Variants in NRXN1 observed in about 807,000 individuals in gnomAD.
The protein encoded by NRXN1 is neurexin 1.
In NRXN1, 39 loss-of-function variants were observed where a neutral mutation model predicts 150.9. That is an observed-to-expected ratio of 0.26 (90% CI 0.20 to 0.34). The LOEUF (loss-of-function observed/expected upper bound fraction) is 0.34, where lower values mean the gene tolerates loss of function less well. Among genes scored for constraint, NRXN1 ranks in the 10% least tolerant of loss-of-function variants. The probability of loss-of-function intolerance (pLI) is 1.00; values close to 1 mark genes in which losing one functional copy is unlikely to be tolerated. For missense variants in NRXN1, 1,815 were observed against 1,949.9 expected (o/e 0.93, Z 1.30); for synonymous variants, 924 against 757.0 (o/e 1.22, Z -3.62).
At chr2:50,438,447 T>C (rs2104430004) in intron 17 of NRXN1, among the ~76,000 whole-genome samples, 1 of 151,878 alleles carries the variant, frequency 6.6e-6, no homozygotes, top group East Asian at 1.9e-4. Flanking sequence ...CTGGGGGGAG[T>C]GGACTTGTTC....
chr2:51,004,592 G>A (rs952237176), intron 2 of NRXN1, among the ~76,000 whole-genome samples: 11 of 152,034 alleles, frequency 7.2e-5, no homozygotes, highest in Admixed American at 3.9e-4. Context: ...GCAGTGAGCC[G>A]AGATCATGTC....
intron 2 of NRXN1, among the ~76,000 whole-genome samples, chr2:51,000,261 C>T (rs925446280): frequency 2.0e-5 from 3 of 151,962 alleles, no homozygotes; most frequent in Non-Finnish European, 4.4e-5. Flanking sequence ...TAGTAACCGC[C>T]CTTATCCATT....
intron 19 of NRXN1, among the ~76,000 whole-genome samples, chr2:50,073,275 T>C (rs969198700): frequency 1.2e-4 from 18 of 152,228 alleles, no homozygotes; most frequent in African/African-American, 4.3e-4. Flanking sequence ...CAACAGACTA[T>C]GTGTTCCAAG....
At chr2:50,595,329 A>G (rs1674993718) in intron 8 of NRXN1, among the ~76,000 whole-genome samples, 1 of 151,448 alleles carries the variant, frequency 6.6e-6, no homozygotes, top group East Asian at 1.9e-4. Flanking sequence ...AGATGCCTTG[A>G]TGTTATGCAA....
At chr2:50,784,257 A>G (rs1346356610) in intron 5 of NRXN1, among the ~76,000 whole-genome samples, 1 of 152,112 alleles carries the variant, frequency 6.6e-6, no homozygotes, top group Non-Finnish European at 1.5e-5. Flanking sequence ...TGCTTGTTAC[A>G]CTTTTATCAA....
chr2:50,513,731 T>C (rs1203284094), intron 12 of NRXN1, among the ~76,000 whole-genome samples: 1 of 151,960 alleles, frequency 6.6e-6, no homozygotes, highest in Admixed American at 6.6e-5. Flanking sequence ...TTTCAAGCAA[T>C]GGAAGCAAAG....
chr2:50,803,622 G>A (rs1707906657), intron 5 of NRXN1, among the ~76,000 whole-genome samples: 1 of 152,044 alleles, frequency 6.6e-6, no homozygotes, highest in Non-Finnish European at 1.5e-5. Context: ...TAAATTTCTG[G>A]AATATTTTCA....
At chr2:50,723,745 G>A (rs932176221) in intron 5 of NRXN1, among the ~76,000 whole-genome samples, 4 of 152,164 alleles carry the variant, frequency 2.6e-5, no homozygotes, top group Non-Finnish European at 5.9e-5. Flanking sequence ...CAGACACAAC[G>A]TGGTCAGGGT....
At chr2:50,774,737 G>A (rs1019590164) in intron 5 of NRXN1, among the ~76,000 whole-genome samples, 16 of 152,144 alleles carry the variant, frequency 1.1e-4, no homozygotes, top group Admixed American at 7.2e-4. Context: ...TCAAGTTCTA[G>A]TTCCTTTTAA....
chr2:50,669,847 TA>T (rs1036930433), intron 5 of NRXN1, among the ~76,000 whole-genome samples: 2 of 145,252 alleles, frequency 1.4e-5, no homozygotes, highest in East Asian at 2.1e-4. Flanking sequence ...AAAATAAAAA[TA>T]AAAAAAGATA....
At chr2:49,987,690 T>C (rs533388641) in intron 21 of NRXN1, among the ~76,000 whole-genome samples, 1 of 152,150 alleles carries the variant, frequency 6.6e-6, no homozygotes, top group Non-Finnish European at 1.5e-5. Flanking sequence ...TTTGAGCCCA[T>C]TATGTCAACA....
intron 17 of NRXN1, among the ~76,000 whole-genome samples, chr2:50,340,606 A>T (rs1157164444): frequency 6.6e-6 from 1 of 152,164 alleles, no homozygotes; most frequent in African/African-American, 2.4e-5. Context: ...GTTTAGAATC[A>T]ATACGTCCCT....
intron 17 of NRXN1, among the ~76,000 whole-genome samples, chr2:50,270,314 T>C (rs2152922233): frequency 6.6e-6 from 1 of 152,292 alleles, no homozygotes; most frequent in East Asian, 1.9e-4. Context: ...GACTATTTTG[T>C]ATACATATGA....
chr2:50,934,170 A>G (rs377392024), intron 2 of NRXN1, among the ~76,000 whole-genome samples: 61 of 152,246 alleles, frequency 4.0e-4, no homozygotes, highest in African/African-American at 1.3e-3. Context: ...ATACACACCC[A>G]ATTGGTATTT....
At chr2:50,312,147 CT>C (rs2075236534) in intron 17 of NRXN1, among the ~76,000 whole-genome samples, 1 of 152,082 alleles carries the variant, frequency 6.6e-6, no homozygotes, top group African/African-American at 2.4e-5. Context: ...ATTTCTTCTC[CT>C]GAGAAAGACT....
Position 50,497,530 on chromosome 2 carries a change from A to G in NRXN1, c.2682T>C (p.Asn894=). ...TGATGTTCCTGAAGCCAAATCTGGCATTAAGCTCACAGTAATCTATGTCGC... is the reference window on the plus strand; with the variant it reads ...TGATGTTCCTGAAGCCAAATCTGGCGTTAAGCTCACAGTAATCTATGTCGC... ...KNGDIDYCEL[N]ARFGFRNIIA... is the part of the protein sequence containing the mutation. The change falls in exon 14 of 23, where the codon AAT becomes AAC. Residue 894 remains asparagine (N), a synonymous_variant. Transcript: ENST00000401669. 6.2e-7 allele frequency: 1 copy of G among 1,613,956 alleles called. No individual in the cohort carries two copies. Among genetic ancestry groups the G allele is most frequent in the Non-Finnish European group, 8.5e-7 (1 of 1,179,866 alleles).
At chr2:49,967,713 T>C (rs1677203386) in intron 21 of NRXN1, among the ~76,000 whole-genome samples, 1 of 152,096 alleles carries the variant, frequency 6.6e-6, no homozygotes, top group Non-Finnish European at 1.5e-5. Context: ...TATTTTGTTA[T>C]TGCAGGAGTA....
At chr2:50,852,049 G>C (rs1481908669) in intron 5 of NRXN1, among the ~76,000 whole-genome samples, 2 of 152,110 alleles carry the variant, frequency 1.3e-5, no homozygotes, top group Admixed American at 6.5e-5. Context: ...TGAAAGGCAA[G>C]GGACACAGGT....
intron 5 of NRXN1, among the ~76,000 whole-genome samples, chr2:50,731,529 C>T (rs1017421410): frequency 6.6e-6 from 1 of 151,976 alleles, no homozygotes; most frequent in African/African-American, 2.4e-5. Context: ...TTATTGAGAC[C>T]TTGGCAAGAC....
Sources: gnomAD v4.1 joint callset for allele counts (sites outside exome capture counted in the v4.1 genomes callset) on GRCh38, gnomAD v4.1.1 for gene constraint, MANE v1.5 for transcripts, NCBI Gene and HGNC (gene_info 2026-07-23, HGNC 2026-07-21) for gene names.